The following ZFHX3 variants were observed in gnomAD, a reference collection of about 807,000 sequenced individuals.
ZFHX3 encodes the protein zinc finger homeobox 3, also known as zinc finger homeobox protein 3.
Under a neutral mutation model 279.1 loss-of-function variants are expected in ZFHX3, and 42 were observed. That is an observed-to-expected ratio of 0.15 (90% CI 0.12 to 0.19). The LOEUF (loss-of-function observed/expected upper bound fraction) is 0.19, where lower values mean the gene tolerates loss of function less well. ZFHX3 is among the 10% of genes least tolerant of loss of function. ZFHX3 has a pLI of 1.00. For missense variants in ZFHX3, 4,981 were observed against 4,754.0 expected (o/e 1.05, Z -1.40); for synonymous variants, 2,293 against 1,957.8 (o/e 1.17, Z -4.52).
chr16:73,443,683 G>A (rs1203365914), intron 3 of ZFHX3, among the ~76,000 whole-genome samples: 2 of 151,870 alleles, frequency 1.3e-5, no homozygotes, highest in African/African-American at 4.8e-5. Context: ...TCTCTCTATG[G>A]ATATGGAGAA....
chr16:73,521,250 A>C (rs997342969), intron 2 of ZFHX3, among the ~76,000 whole-genome samples: 1 of 152,166 alleles, frequency 6.6e-6, no homozygotes, highest in Non-Finnish European at 1.5e-5. Flanking sequence ...TTTCTTGTGG[A>C]GCAATCTCAT....
intron 1 of ZFHX3, among the ~76,000 whole-genome samples, chr16:73,880,566 G>A (rs2030113242): frequency 6.6e-6 from 1 of 152,086 alleles, no homozygotes; most frequent in Non-Finnish European, 1.5e-5. Context: ...TATTCAAGAG[G>A]GCTAGTGAAG....
chr16:72,959,863 T>C lies in ZFHX3; in HGVS notation c.283A>G (p.Met95Val), dbSNP rs1262918913. Reference sequence around the variant, plus strand: ...CGCGCGCTGGGGCAGTGGTGCTCCATGTAGGTCTGGAGGCTGGCAAAGGAG... The same window carrying C: ...CGCGCGCTGGGGCAGTGGTGCTCCACGTAGGTCTGGAGGCTGGCAAAGGAG... The part of the protein sequence containing the change: ...SASFASLQTY[M>V]EHHCPSARPP... Residue 95 changes from methionine to valine, a missense_variant, in exon 2 of 10, where the codon ATG becomes GTG. By Grantham distance (21) the Met-to-Val change is conservative. Coordinates refer to ENST00000268489, the MANE Select transcript of ZFHX3 (RefSeq NM_006885.4). The C allele has an allele frequency of 6.2e-7, 1 of 1,602,536 alleles. No individual in the cohort carries two copies. The highest frequency in any genetic ancestry group is 1.3e-5 in the African/African-American group (1 of 74,692).
At chr16:73,441,460 G>A (rs947671305) in intron 3 of ZFHX3, among the ~76,000 whole-genome samples, 1 of 152,128 alleles carries the variant, frequency 6.6e-6, no homozygotes, top group Non-Finnish European at 1.5e-5. Context: ...AGCCCATCCA[G>A]CCAACCAATC....
At chr16:73,131,478 T>C (rs79612317) in intron 6 of ZFHX3, among the ~76,000 whole-genome samples, 2,351 of 152,318 alleles carry the variant, frequency 0.015, 109 homozygotes, top group East Asian at 0.13. Context: ...AGGGCACGTC[T>C]GATTCTTCCT....
At chr16:73,758,917 C>T (rs1185587801) in intron 1 of ZFHX3, among the ~76,000 whole-genome samples, 1 of 152,168 alleles carries the variant, frequency 6.6e-6, no homozygotes, top group Non-Finnish European at 1.5e-5. Flanking sequence ...ATACTATTAT[C>T]CCCATTTTAC....
In ZFHX3 at chr16:72,959,719, T is replaced by C. The variant is rs752455604; in HGVS notation, c.427A>G (p.Ile143Val). Residue 143 changes from isoleucine (I) to valine (V), a missense_variant, in exon 2 of 10, where the codon ATT becomes GTT. Transcript: ENST00000268489. ...IVYQPDGSAY[I>V]VESLSQLTQG... Reference sequence around the variant, plus strand: ...GTCAGCTGGCTCAGGCTCTCCACAATGTACGCGGAGCCGTCCGGCTGGTAG... The same window carrying C: ...GTCAGCTGGCTCAGGCTCTCCACAACGTACGCGGAGCCGTCCGGCTGGTAG... 2.5e-6 allele frequency: 4 copies of C among 1,613,728 alleles called. No individual in the cohort carries two copies. Among genetic ancestry groups the C allele is most frequent in the African/African-American group, 1.3e-5 (1 of 74,950 alleles).
chr16:73,192,502 C>T (rs1597212993), intron 5 of ZFHX3, among the ~76,000 whole-genome samples: 1 of 152,086 alleles, frequency 6.6e-6, no homozygotes, highest in South Asian at 2.1e-4. Flanking sequence ...ACTCAGGATC[C>T]GCTGGACTCG....
intron 8 of ZFHX3, among the ~76,000 whole-genome samples, chr16:73,084,762 C>T (rs144211589): frequency 0.017 from 2,591 of 152,064 alleles, 34 homozygotes; most frequent in Non-Finnish European, 0.025. Context: ...CCTCGTGATC[C>T]GCCCACCTCA....
chr16:73,816,522 T>A (rs897433495), intron 1 of ZFHX3, among the ~76,000 whole-genome samples: 1 of 152,202 alleles, frequency 6.6e-6, no homozygotes, highest in Non-Finnish European at 1.5e-5. Flanking sequence ...TAAGCAGTTA[T>A]GACAAGACTT....
chr16:72,847,414 T>C (rs1000263615), intron 4 of ZFHX3, among the ~76,000 whole-genome samples: 7 of 152,126 alleles, frequency 4.6e-5, no homozygotes, highest in Admixed American at 3.9e-4. Flanking sequence ...GCAGCATTAG[T>C]TCTGCAGGCT....
chr16:73,475,157 C>G (rs994674276), intron 2 of ZFHX3, among the ~76,000 whole-genome samples: 20 of 152,136 alleles, frequency 1.3e-4, no homozygotes, highest in African/African-American at 4.6e-4. Context: ...GGAGGCCACT[C>G]TCACATTTTT....
chr16:73,563,499 C>A (rs904432748), intron 2 of ZFHX3, among the ~76,000 whole-genome samples: 1 of 151,868 alleles, frequency 6.6e-6, no homozygotes, highest in Non-Finnish European at 1.5e-5. Flanking sequence ...CCTCGTGATC[C>A]GCCCGCCTCA....
At chr16:73,770,530 T>C (rs1160299062) in intron 1 of ZFHX3, among the ~76,000 whole-genome samples, 2 of 152,162 alleles carry the variant, frequency 1.3e-5, no homozygotes, top group African/African-American at 4.8e-5. Context: ...TTAATATCAA[T>C]GTCAAACAAA....
At chr16:73,364,492 G>A (rs1390808149) in intron 3 of ZFHX3, among the ~76,000 whole-genome samples, 1 of 152,088 alleles carries the variant, frequency 6.6e-6, no homozygotes, top group Non-Finnish European at 1.5e-5. Flanking sequence ...GGGAGACAGA[G>A]ATTATATGTA....
chr16:73,383,870 C>A lies in ZFHX3; in HGVS notation c.-1290-65534G>T, dbSNP rs150436641. Reference sequence around the variant, plus strand: ...AGCGGTGCCTCGTGCTCTGCACAAACACACATTTCTGCACACCCAGAAGAA... The same window carrying A: ...AGCGGTGCCTCGTGCTCTGCACAAAAACACATTTCTGCACACCCAGAAGAA... On this transcript the variant is annotated intron_variant, in intron 3 of 17. Coordinates refer to the ZFHX3 transcript ENST00000641206. Among the ~76,000 whole-genome samples, 968 of 152,348 alleles carry A rather than the reference C, an allele frequency of 6.4e-3. 8 individuals are homozygous for A. Among genetic ancestry groups the A allele is most frequent in the African/African-American group, 0.022 (932 of 41,568 alleles).
chr16:73,490,116 A>G lies in ZFHX3; in HGVS notation c.-1546-33858T>C, dbSNP rs180807875. Among the ~76,000 whole-genome samples the G allele has an allele frequency of 2.5e-3, 381 of 152,342 alleles. 4 individuals are homozygous for G. The highest frequency in any genetic ancestry group is 8.6e-3 in the African/African-American group (356 of 41,576). Reference sequence around the variant, plus strand: ...TGTGGAAGAATATCTTAAAACCTTTACATTTCACGTCTTAAAGTTAACTTA... The same window carrying G: ...TGTGGAAGAATATCTTAAAACCTTTGCATTTCACGTCTTAAAGTTAACTTA... On this transcript the variant is annotated intron_variant, in intron 2 of 17. Coordinates refer to the ZFHX3 transcript ENST00000641206.
intron 4 of ZFHX3, among the ~76,000 whole-genome samples, chr16:73,302,574 T>A (rs1024012887): frequency 1.3e-5 from 2 of 152,212 alleles, no homozygotes; most frequent in Non-Finnish European, 2.9e-5. Flanking sequence ...CCTAACAGGT[T>A]TATGAACTAG....
At chr16:73,452,184 C>T (rs1327948623) in intron 3 of ZFHX3, among the ~76,000 whole-genome samples, 5 of 152,224 alleles carry the variant, frequency 3.3e-5, no homozygotes, top group East Asian at 1.9e-4. Flanking sequence ...TCTGATTGAA[C>T]GTTTGTGCTG....
Sources: allele counts gnomAD v4.1 joint callset (sites outside exome capture counted in the v4.1 genomes callset), GRCh38; gene constraint gnomAD v4.1.1; transcripts MANE v1.5; gene names NCBI Gene and HGNC (gene_info 2026-07-23, HGNC 2026-07-21).